Variants in SHC4 observed in about 807,000 individuals in gnomAD.
SHC4 encodes SHC-transforming protein 4.
A neutral mutation model predicts 69.4 loss-of-function variants in SHC4; 41 were observed. That is an observed-to-expected ratio of 0.59 (90% CI 0.46 to 0.77). SHC4 has a LOEUF of 0.77. Among genes scored for constraint, SHC4 ranks in the 30% least tolerant of loss-of-function variants. The pLI, the probability that SHC4 is intolerant of heterozygous loss-of-function variation, is 0.00. For synonymous variants in SHC4, 318 were observed against 299.3 expected (o/e 1.06, Z -0.64); for missense variants, 777 against 783.8 (o/e 0.99, Z 0.10).
chr15:48,862,630 C>T (rs1899468022), intron 6 of SHC4, among the ~76,000 whole-genome samples: 1 of 152,136 alleles, frequency 6.6e-6, no homozygotes, highest in Non-Finnish European at 1.5e-5. Context: ...CCATACTGTC[C>T]TCCTCATCCC....
chr15:48,862,848 C>G (rs1373264247), intron 6 of SHC4, among the ~76,000 whole-genome samples: 1 of 152,134 alleles, frequency 6.6e-6, no homozygotes, highest in Non-Finnish European at 1.5e-5. Context: ...TTCCTCCTGT[C>G]CCCTGACTAC....
In SHC4 at chr15:48,914,167, T is replaced by G. The variant is rs1006251917; in HGVS notation, c.656+10712A>C. Among the ~76,000 whole-genome samples the G allele has an allele frequency of 6.6e-5, 10 of 152,376 alleles. No homozygotes were observed. The East Asian group carries it at 1.9e-3, about 29-fold the overall frequency. On this transcript the variant is annotated intron_variant, in intron 2 of 11. Coordinates refer to ENST00000332408, the MANE Select transcript of SHC4 (RefSeq NM_203349.4). ...TGAGCCACCGCGCCCGGCGCGACAT[T>G]GTGCGTTTTAAAGACTTGAGCCTTT...
intron 4 of SHC4, among the ~76,000 whole-genome samples, chr15:48,874,539 G>C (rs12438012): frequency 0.16 from 23,944 of 152,130 alleles, 2,147 homozygotes; most frequent in East Asian, 0.28. Flanking sequence ...TCTCATAGGA[G>C]AATGAACCCT....
intron 1 of SHC4, chr15:48,947,089 T>A (rs911015715): frequency 1.3e-5 from 2 of 152,226 alleles, no homozygotes; most frequent in Non-Finnish European, 2.9e-5. Context: ...TATTTCAAAC[T>A]GTCAGTATTT....
rs775622992 is a variant in SHC4 at position 48,890,752 on chromosome 15, C to T, written c.716G>A (p.Arg239Gln). 16 of 1,614,028 alleles carry T rather than the reference C, an allele frequency of 9.9e-6. No homozygotes were observed. Among genetic ancestry groups the T allele is most frequent in the Admixed American group, 5.0e-5 (3 of 59,996 alleles). ...VPGANGAIKK[R>Q]KPPVKFLSTV... ...GAAAACCACATCATCATTTACCTTT[C>T]GCTTTTTAATGGCTCCATTTGCCCC... is the stretch of plus-strand genomic sequence containing the variant. Residue 239 changes from arginine to glutamine, a missense_variant, in exon 3 of 12, where the codon CGA (arginine) becomes CAA (glutamine). Arg to Gln is a conservative substitution (Grantham distance 43). Coordinates refer to ENST00000332408, the MANE Select transcript of SHC4 (RefSeq NM_203349.4).
intron 10 of SHC4, among the ~76,000 whole-genome samples, chr15:48,836,171 C>T (rs1035533035): frequency 2.6e-5 from 4 of 151,858 alleles, no homozygotes; most frequent in Non-Finnish European, 4.4e-5. Flanking sequence ...CCAGCCTGGG[C>T]GACAGTGAGA....
intron 4 of SHC4, among the ~76,000 whole-genome samples, chr15:48,876,257 G>C (rs1474897269): frequency 2.6e-5 from 4 of 152,196 alleles, no homozygotes; most frequent in Non-Finnish European, 5.9e-5. Context: ...AATCATGCGG[G>C]TGACAAATGA....
intron 1 of SHC4, among the ~76,000 whole-genome samples, chr15:48,943,727 A>G (rs113885091): frequency 2.6e-5 from 4 of 152,130 alleles, no homozygotes; most frequent in Non-Finnish European, 5.9e-5. Flanking sequence ...AAGAGTGCAC[A>G]AAAGTTCCCT....
At chr15:48,874,813 T>G (rs1899762399) in intron 4 of SHC4, among the ~76,000 whole-genome samples, 1 of 152,226 alleles carries the variant, frequency 6.6e-6, no homozygotes, top group Non-Finnish European at 1.5e-5. Context: ...AGTGAGTTGA[T>G]GTACTTCAGT....
In SHC4 at chr15:48,824,419, A is replaced by C. The variant is rs1898649459; in HGVS notation, c.*1552T>G. The C allele has an allele frequency of 6.6e-6, 1 of 152,028 alleles. No individual in the cohort carries two copies. Among genetic ancestry groups the C allele is most frequent in the South Asian group, 2.1e-4 (1 of 4,822 alleles). The allele number at this position is 152,028 out of a possible 1,614,324, so 9.4% of individuals were successfully genotyped here. A position where few individuals can be genotyped will look rare whatever the true frequency, so the allele number is the denominator to read the frequency against. The stretch of plus-strand genomic sequence containing the variant: ...ATATCCAGATAACTCAAGATTAAAA[A>C]AAAAAACAAAAAACATTTTTCTTGG... On this transcript the variant is annotated 3_prime_UTR_variant, in exon 12 of 12. Transcript: ENST00000332408.
chr15:48,923,736 C>T (rs1349057104), intron 2 of SHC4, among the ~76,000 whole-genome samples: 1 of 147,632 alleles, frequency 6.8e-6, no homozygotes, highest in Non-Finnish European at 1.5e-5. Flanking sequence ...AACTCCTGGG[C>T]TCAAGTGATC....
intron 2 of SHC4, among the ~76,000 whole-genome samples, chr15:48,907,753 G>A (rs1939440202): frequency 1.3e-5 from 2 of 148,484 alleles, no homozygotes; most frequent in Non-Finnish European, 3.0e-5. Context: ...TCCTTTTTAT[G>A]ACTGTGTAGT....
At chr15:48,842,700 A>G (rs1299866710) in intron 10 of SHC4, among the ~76,000 whole-genome samples, 1 of 152,188 alleles carries the variant, frequency 6.6e-6, no homozygotes, top group African/African-American at 2.4e-5. Context: ...AGGCCGAGGC[A>G]GGCAGATGGC....
At chr15:48,883,606 G>A (rs1021752370) in intron 4 of SHC4, among the ~76,000 whole-genome samples, 2 of 152,146 alleles carry the variant, frequency 1.3e-5, no homozygotes, top group Admixed American at 6.5e-5. Flanking sequence ...CAAACAAAAT[G>A]TCCTGGTTTA....
intron 2 of SHC4, among the ~76,000 whole-genome samples, chr15:48,891,956 G>A (rs1900144997): frequency 6.6e-6 from 1 of 152,190 alleles, no homozygotes; most frequent in Non-Finnish European, 1.5e-5. Flanking sequence ...CCGGGTTCAT[G>A]CCATTCTCCT....
intron 3 of SHC4, among the ~76,000 whole-genome samples, chr15:48,886,452 A>T (rs918242012): frequency 6.6e-6 from 1 of 152,154 alleles, no homozygotes; most frequent in Non-Finnish European, 1.5e-5. Flanking sequence ...CCATCATTAG[A>T]AATGTCCTAA....
At chr15:48,926,332 C>T (rs1900853101) in intron 1 of SHC4, among the ~76,000 whole-genome samples, 1 of 152,178 alleles carries the variant, frequency 6.6e-6, no homozygotes, top group Admixed American at 6.5e-5. Context: ...ATGATATGCT[C>T]CCTGTTTAGC....
intron 2 of SHC4, among the ~76,000 whole-genome samples, chr15:48,904,545 A>C (rs1900372831): frequency 6.6e-6 from 1 of 152,140 alleles, no homozygotes; most frequent in African/African-American, 2.4e-5. Flanking sequence ...TCTGAACCAA[A>C]TGAGTATCTT....
intron 1 of SHC4, among the ~76,000 whole-genome samples, chr15:48,961,970 T>C (rs1901553108): frequency 6.6e-6 from 1 of 152,240 alleles, no homozygotes; most frequent in African/African-American, 2.4e-5. Flanking sequence ...TTTTAAAGAA[T>C]AATTCAAGCC....
Sources: gnomAD v4.1 joint callset for allele counts (sites outside exome capture counted in the v4.1 genomes callset) on GRCh38, gnomAD v4.1.1 for gene constraint, MANE v1.5 for transcripts, NCBI Gene and HGNC (gene_info 2026-07-23, HGNC 2026-07-21) for gene names.